The following PDLIM5 variants were observed in gnomAD, a reference collection of about 807,000 sequenced individuals.
PDLIM5 encodes PDZ and LIM domain 5, also known as PDZ and LIM domain protein 5.
In PDLIM5, 34 loss-of-function variants were observed where a neutral mutation model predicts 64.2. The ratio of observed to expected loss-of-function variants is 0.53; its 90% CI spans 0.40 to 0.71. PDLIM5 has a LOEUF of 0.71. PDLIM5 is among the 30% of genes least tolerant of loss of function. The probability of loss-of-function intolerance (pLI) is 0.00; values close to 1 mark genes in which losing one functional copy is unlikely to be tolerated. For missense variants in PDLIM5, 683 were observed against 733.6 expected, an observed-to-expected ratio of 0.93 and a Z score of 0.80; for synonymous variants, 253 against 269.1, an observed-to-expected ratio of 0.94 and a Z score of 0.59.
At chr4:94,657,304 A>C (rs1217443797) in intron 10 of PDLIM5, 123 bp from the exon 11 acceptor site, 11 of 603,032 alleles carry the variant, frequency 1.8e-5, no homozygotes, top group Non-Finnish European at 2.9e-5. Context: ...CAAGACAAAA[A>C]TGAAGTATGT....
At chr4:94,496,371 A>C (rs1387989638) in intron 2 of PDLIM5, among the ~76,000 whole-genome samples, 1 of 152,220 alleles carries the variant, frequency 6.6e-6, no homozygotes, top group Non-Finnish European at 1.5e-5. Context: ...TTCCTCTTAT[A>C]CCTTGAATAT....
chr4:94,662,323 C>T (rs1742798820), intron 11 of PDLIM5, 99 bp from the exon 12 acceptor site: 1 of 563,724 alleles, frequency 1.8e-6, no homozygotes, highest in Non-Finnish European at 3.3e-6. Flanking sequence ...TTGTCTTCAG[C>T]ATCTCATCTA....
At chr4:94,619,855 T>C (rs10084920) in intron 8 of PDLIM5, among the ~76,000 whole-genome samples, 38,920 of 151,952 alleles carry the variant, frequency 0.26, 5,239 homozygotes, top group Non-Finnish European at 0.29. Flanking sequence ...ACTCCTGAGC[T>C]TAAGCGATCC....
chr4:94,610,199 A>G, intron 7 of PDLIM5: 1 of 1,526,768 alleles, frequency 6.5e-7, no homozygotes, highest in Non-Finnish European at 8.8e-7. Context: ...GATTCTTTCG[A>G]AGGTTTTCGA....
intron 7 of PDLIM5, among the ~76,000 whole-genome samples, chr4:94,593,086 G>A (rs1054709028): frequency 6.6e-6 from 1 of 152,098 alleles, no homozygotes; most frequent in Non-Finnish European, 1.5e-5. Flanking sequence ...TGGTCTACAT[G>A]TCTTAAGTTT....
chr4:94,590,917 A>T (rs1169191995), intron 7 of PDLIM5, among the ~76,000 whole-genome samples: 1 of 152,218 alleles, frequency 6.6e-6, no homozygotes, highest in Non-Finnish European at 1.5e-5. Context: ...CAGGCTGCTA[A>T]TTGCAGTGTG....
At chr4:94,530,214 G>A (rs1160714593) in intron 3 of PDLIM5, among the ~76,000 whole-genome samples, 1 of 152,096 alleles carries the variant, frequency 6.6e-6, no homozygotes, top group Non-Finnish European at 1.5e-5. Context: ...AATAAAAATA[G>A]TGGTTCTTGT....
At chr4:94,491,801 A>AATTCTATACT (rs1726897212) in intron 2 of PDLIM5, among the ~76,000 whole-genome samples, 1 of 152,122 alleles carries the variant, frequency 6.6e-6, no homozygotes. Flanking sequence ...TTCTATACTT[A>AATTCTATACT]TGGAGTACAA....
chr4:94,582,368 T>C (rs1560718894), intron 5 of PDLIM5, among the ~76,000 whole-genome samples: 1 of 152,146 alleles, frequency 6.6e-6, no homozygotes, highest in Non-Finnish European at 1.5e-5. Context: ...ACCTTGTCCT[T>C]TTAAAAAATA....
At chr4:94,639,551 G>C (rs946139651) in intron 8 of PDLIM5, among the ~76,000 whole-genome samples, 3 of 152,094 alleles carry the variant, frequency 2.0e-5, no homozygotes, top group African/African-American at 7.3e-5. Context: ...AAGGACCAAG[G>C]ATGCTTCTTA....
At chr4:94,626,150 C>T (rs976686264) in intron 8 of PDLIM5, among the ~76,000 whole-genome samples, 21 of 152,064 alleles carry the variant, frequency 1.4e-4, no homozygotes, top group African/African-American at 4.8e-4. Flanking sequence ...CTGTTGTACC[C>T]CATCTGAGGA....
chr4:94,455,854 A>T, intron 2 of PDLIM5: 1 of 1,385,924 alleles, frequency 7.2e-7, no homozygotes, highest in South Asian at 1.2e-5. Context: ...CAACAGTAAG[A>T]TGGCCAAAAG....
chr4:94,590,609 C>T (rs1736599918), intron 7 of PDLIM5, among the ~76,000 whole-genome samples: 1 of 152,040 alleles, frequency 6.6e-6, no homozygotes, highest in African/African-American at 2.4e-5. Flanking sequence ...ATTATGTGGA[C>T]CTCTGAGGAG....
chr4:94,646,996 T>C (rs967618729), intron 9 of PDLIM5, among the ~76,000 whole-genome samples: 4 of 152,208 alleles, frequency 2.6e-5, no homozygotes, highest in Non-Finnish European at 5.9e-5. Context: ...ATTTCACATC[T>C]TCTTTCTCCT....
chr4:94,626,117 A>G (rs1739674178), intron 8 of PDLIM5, among the ~76,000 whole-genome samples: 1 of 152,220 alleles, frequency 6.6e-6, no homozygotes, highest in African/African-American at 2.4e-5. Context: ...TTGCTTTTCA[A>G]AATGAATAGT....
At chr4:94,465,666 TG>T (rs1035974161) in intron 2 of PDLIM5, among the ~76,000 whole-genome samples, 2 of 152,170 alleles carry the variant, frequency 1.3e-5, no homozygotes, top group Admixed American at 1.3e-4. Flanking sequence ...ATCAAAGTGC[TG>T]GGATTACAGG....
At chr4:94,610,311 C>A (rs2110373834) in intron 7 of PDLIM5, 2 of 1,501,222 alleles carry the variant, frequency 1.3e-6, no homozygotes, top group Non-Finnish European at 1.8e-6. Flanking sequence ...CCAGGTAGAA[C>A]TACACGTACA....
At chr4:94,581,636 C>T (rs1397999479) in intron 5 of PDLIM5, among the ~76,000 whole-genome samples, 4 of 152,120 alleles carry the variant, frequency 2.6e-5, no homozygotes, top group Non-Finnish European at 4.4e-5. Flanking sequence ...CAACACTGAC[C>T]AGTCTTAGCG....
Position 94,483,986 on chromosome 4 carries a change from TTCAA to T in PDLIM5, c.96+28606_96+28609del, listed in dbSNP as rs150646156. ...CCTCCACTTACCTCTCGTGTTGAAA[TTCAA>T]TCAGTTACTCCAAGAGAGACACTTG... On this transcript the variant is annotated intron_variant, in intron 2 of 12. Transcript: ENST00000317968. Among the ~76,000 whole-genome samples the T allele has an allele frequency of 5.3e-3, 804 of 152,320 alleles. 8 individuals are homozygous for T. The highest frequency in any genetic ancestry group is 0.018 in the African/African-American group (751 of 41,578).
Sources: allele counts gnomAD v4.1 joint callset (sites outside exome capture counted in the v4.1 genomes callset), GRCh38; gene constraint gnomAD v4.1.1; transcripts MANE v1.5; gene names NCBI Gene and HGNC (gene_info 2026-07-23, HGNC 2026-07-21).